Variants in PCBP4 observed in about 807,000 individuals in gnomAD.
PCBP4 encodes the protein poly(rC) binding protein 4.
In PCBP4, 24 loss-of-function variants were observed where a neutral mutation model predicts 46.2. That is an observed-to-expected ratio of 0.52 (90% CI 0.38 to 0.73). The LOEUF (loss-of-function observed/expected upper bound fraction) is 0.73, where lower values mean the gene tolerates loss of function less well. PCBP4 is among the 30% of genes least tolerant of loss of function. PCBP4 has a pLI of 0.00. For synonymous variants in PCBP4, 203 were observed against 224.4 expected, an observed-to-expected ratio of 0.90 and a Z score of 0.85; for missense variants, 407 against 537.0, an observed-to-expected ratio of 0.76 and a Z score of 2.39.
chr3:51,960,348 A>G lies in PCBP4; in HGVS notation c.256-28T>C. ...GGGACAGGGAGACGGTGGGTTGGCC[A>G]TGCTCGTCCCTGCTATATCTGCCCA... On this transcript the variant is annotated intron_variant, in intron 6 of 13. Coordinates refer to ENST00000461554, the MANE Select transcript of PCBP4 (RefSeq NM_001174100.2). The surrounding 1 kb of genome is among the most constrained non-coding windows in gnomAD (Gnocchi z 5.0). 2 of 1,608,386 alleles carry G rather than the reference A, an allele frequency of 1.2e-6. No homozygotes were observed. Among genetic ancestry groups the G allele is most frequent in the East Asian group, 2.2e-5 (1 of 44,812 alleles).
At chr3:51,964,413 C>T (rs1199213413) in intron 1 of PCBP4, among the ~76,000 whole-genome samples, 2 of 152,234 alleles carry the variant, frequency 1.3e-5, no homozygotes. Context: ...TTCAAGTAGA[C>T]TGGCCCGCCC....
Position 51,958,860 on chromosome 3 carries a change from C to G in PCBP4, c.853G>C (p.Gly285Arg). ...CCAGTGATGGTGACATGCCGCTCCC[C>G]AGCGCCCTCTGCTTGGTTCCCGATC... ...IKIGNQAEGA[G>R]ERHVTITGSP... is the part of the protein sequence containing the mutation. The change falls in exon 13 of 14, where the codon GGG (glycine) becomes CGG (arginine). Residue 285 changes from glycine (G) to arginine (R), a missense_variant. Transcript: ENST00000461554. The surrounding 1 kb of genome is among the most constrained non-coding windows in gnomAD (Gnocchi z 5.4). The G allele has an allele frequency of 1.2e-6, 2 of 1,614,004 alleles. No homozygotes were observed. The highest frequency in any genetic ancestry group is 1.7e-6 in the Non-Finnish European group (2 of 1,179,960).
rs201960127 is a variant in PCBP4, at chr3:51,958,149, G to A, written c.1124C>T (p.Pro375Leu). 503 of 1,612,564 alleles carry A rather than the reference G, an allele frequency of 3.1e-4. 4 individuals carry two copies. In the South Asian group the frequency reaches 3.7e-3, roughly 12 times the overall value. ...AGTGTAGGCCGCCAAGCCCGGCGGCGGCCCTGGGGAAGCAGGTGGTAAAGC... is the reference window on the plus strand; with the variant it reads ...AGTGTAGGCCGCCAAGCCCGGCGGCAGCCCTGGGGAAGCAGGTGGTAAAGC... ...FLALPPASPG[P>L]PPGLAAYTAK... Residue 375 changes from proline (P) to leucine (L), a missense_variant, in exon 14 of 14, where the codon CCG becomes CTG. Physicochemically the swap from Pro to Leu is moderately conservative, Grantham distance 98 (BLOSUM62 -3). Transcript: ENST00000461554. The surrounding 1 kb of genome is among the most constrained non-coding windows in gnomAD (Gnocchi z 5.4).
In PCBP4 at chr3:51,959,434, A is replaced by G. The variant is rs753906223; in HGVS notation, c.592-23T>C. On this transcript the variant is annotated intron_variant, in intron 9 of 13. Coordinates refer to ENST00000461554, the MANE Select transcript of PCBP4 (RefSeq NM_001174100.2). The surrounding 1 kb of genome is among the most constrained non-coding windows in gnomAD (Gnocchi z 5.6). ...GCCCTGTGGGGACAAAGTGGATGAA[A>G]AGGGGGTTACTGTGACATTGCAGTT... is the stretch of plus-strand genomic sequence containing the variant. 1.9e-6 allele frequency: 3 copies of G among 1,594,206 alleles called. No individual in the cohort carries two copies. The highest frequency in any genetic ancestry group is 1.7e-4 in the Middle Eastern group (1 of 5,998).
chr3:51,964,321 A>G (rs965038830), intron 1 of PCBP4, among the ~76,000 whole-genome samples: 2 of 152,206 alleles, frequency 1.3e-5, no homozygotes, highest in African/African-American at 2.4e-5. Context: ...CTCACCCCAC[A>G]TGCAGGGATC....
At chr3:51,966,518 T>C (rs1329419988) in intron 1 of PCBP4, among the ~76,000 whole-genome samples, 1 of 151,900 alleles carries the variant, frequency 6.6e-6, no homozygotes, top group African/African-American at 2.4e-5. Context: ...GTTCATGGAT[T>C]GTAAGAGCCT....
In PCBP4 at chr3:51,959,912, A is replaced by C. The variant is rs1700061738; in HGVS notation, c.499T>G (p.Cys167Gly). The change falls in exon 8 of 14, where the codon TGC (cysteine) becomes GGC (glycine). Residue 167 changes from cysteine (C) to glycine (G), a missense_variant. Transcript: ENST00000461554. The surrounding 1 kb of genome is among the most constrained non-coding windows in gnomAD (Gnocchi z 5.6). ...DAIILCVRQICAVILESPPKG... is the reference protein window; with the variant it reads ...DAIILCVRQIGAVILESPPKG... ...GGCAGCACCTCCAGGATAACAGCGC[A>C]GATCTGGCGCACACACAGGATGATG... 1 of 1,597,256 alleles carries C rather than the reference A, an allele frequency of 6.3e-7. No homozygotes were observed. Among genetic ancestry groups the C allele is most frequent in the African/African-American group, 1.3e-5 (1 of 74,560 alleles).
chr3:51,960,827 T>G lies in PCBP4; in HGVS notation c.138+39A>C, dbSNP rs962590240. ...GTGGGGCAGGGATCTCCCCTCCACATCAGGTGCCCTGGGCTCCTCCCCCAA... is the reference window on the plus strand; with the variant it reads ...GTGGGGCAGGGATCTCCCCTCCACAGCAGGTGCCCTGGGCTCCTCCCCCAA... On this transcript the variant is annotated intron_variant, in intron 5 of 13. Coordinates refer to ENST00000461554, the MANE Select transcript of PCBP4 (RefSeq NM_001174100.2). This position sits in a 1 kb window ranked among gnomAD's most constrained non-coding sequence, Gnocchi z 5.0. 2 of 1,606,202 alleles carry G rather than the reference T, an allele frequency of 1.2e-6. No individual in the cohort carries two copies. Among genetic ancestry groups the G allele is most frequent in the African/African-American group, 1.3e-5 (1 of 74,594 alleles).
intron 1 of PCBP4, chr3:51,962,819 G>A (rs1700244202): frequency 1.3e-5 from 2 of 152,242 alleles, no homozygotes; most frequent in South Asian, 2.1e-4. Flanking sequence ...CCTATCCAAC[G>A]GAGGTGACAC....
At position 51,959,094 on chromosome 3, in the gene PCBP4, C is replaced by G. The variant is rs202173416; in HGVS notation, c.706G>C (p.Asp236His). 3.1e-6 allele frequency: 5 copies of G among 1,613,864 alleles called. No individual in the cohort carries two copies. Among genetic ancestry groups the G allele is most frequent in the Non-Finnish European group, 4.2e-6 (5 of 1,179,950 alleles). Reference protein sequence around the residue: ...FATPSVVPGLDPGTQTSSQEF... With the variant: ...FATPSVVPGLHPGTQTSSQEF... ...TGTGAGCTGGTCTGTGTGCCGGGAT[C>G]CAGTCCTGAGGGGGAGAAGAGGGAC... The change falls in exon 12 of 14, where the codon GAT becomes CAT. Residue 236 changes from aspartate to histidine, a missense_variant. Physicochemically the swap from Asp to His is moderately conservative, Grantham distance 81. Transcript: ENST00000461554. The surrounding 1 kb of genome is among the most constrained non-coding windows in gnomAD (Gnocchi z 5.6).
rs765200815 is a variant in PCBP4 at position 51,958,319 on chromosome 3, C to A, written c.954G>T (p.Gly318=). 3 of 1,524,448 alleles carry A rather than the reference C, an allele frequency of 2.0e-6. No individual in the cohort carries two copies. The South Asian group carries it at 3.9e-5, about 20-fold the overall frequency. The allele number at this position is 1,524,448 out of a possible 1,614,324, so 94.4% of individuals were successfully genotyped here. The change falls in exon 14 of 14, where the codon GGG becomes GGT. Residue 318 remains glycine (G), a synonymous_variant. Transcript: ENST00000461554. This position sits in a 1 kb window ranked among gnomAD's most constrained non-coding sequence, Gnocchi z 5.4. ...GGTCTGCGGGGGCCGAGCTGGGCGT[C>A]CCCCCAGAGGTAGACTTGGCCGTCT... The part of the protein sequence containing the change: ...CLETAKSTSG[G]TPSSAPADLP...
Position 51,959,159 on chromosome 3 carries a change from C to T in PCBP4, c.701-60G>A. The T allele has an allele frequency of 1.9e-6, 3 of 1,613,306 alleles. No homozygotes were observed. The highest frequency in any genetic ancestry group is 2.5e-6 in the Non-Finnish European group (3 of 1,179,382). ...GGCCTTTCCCGCCCCACCATTTCCA[C>T]TCTCCCTGGAAGGGAGGGGGCTGCC... is the stretch of plus-strand genomic sequence containing the variant. On this transcript the variant is annotated intron_variant, in intron 11 of 13. Coordinates refer to ENST00000461554, the MANE Select transcript of PCBP4 (RefSeq NM_001174100.2). This position sits in a 1 kb window ranked among gnomAD's most constrained non-coding sequence, Gnocchi z 5.6.
intron 1 of PCBP4, among the ~76,000 whole-genome samples, chr3:51,962,504 T>C (rs1332167552): frequency 6.6e-6 from 1 of 152,162 alleles, no homozygotes; most frequent in Non-Finnish European, 1.5e-5. Context: ...TGGGACCAAC[T>C]GGTGCTAAGT....
At chr3:51,961,887 G>T in intron 2 of PCBP4, 54 bp downstream of exon 2, 2 of 272,886 alleles carry the variant, frequency 7.3e-6, no homozygotes, top group Non-Finnish European at 1.1e-5. Flanking sequence ...GCCACTGCCT[G>T]GTAAAGGCTT....
At chr3:51,961,853 A>G (rs1700195298) in intron 2 of PCBP4, 88 bp downstream of exon 2, 1 of 670,390 alleles carries the variant, frequency 1.5e-6, no homozygotes. Context: ...GAAGGCAGGG[A>G]GGCCTCGGGT....
In PCBP4 at chr3:51,958,844, G is replaced by C. The variant is rs766572926; in HGVS notation, c.869C>G (p.Thr290Ser). 6.2e-7 allele frequency: 1 copy of C among 1,613,936 alleles called. No homozygotes were observed. Among genetic ancestry groups the C allele is most frequent in the South Asian group, 1.1e-5 (1 of 91,074 alleles). Reference sequence around the variant, plus strand: ...GATGGAGACCGGAGAGCCAGTGATGGTGACATGCCGCTCCCCAGCGCCCTC... The same window carrying C: ...GATGGAGACCGGAGAGCCAGTGATGCTGACATGCCGCTCCCCAGCGCCCTC... ...QAEGAGERHV[T>S]ITGSPVSIAL... The change falls in exon 13 of 14, where the codon ACC becomes AGC. Residue 290 changes from threonine to serine, a missense_variant. Transcript: ENST00000461554. This position sits in a 1 kb window ranked among gnomAD's most constrained non-coding sequence, Gnocchi z 5.4.
At chr3:51,967,078 A>C (rs1023888522) in intron 1 of PCBP4, among the ~76,000 whole-genome samples, 1 of 152,100 alleles carries the variant, frequency 6.6e-6, no homozygotes, top group Admixed American at 6.5e-5. Flanking sequence ...GGACAGAAAC[A>C]GCGAGTGGGA....
rs781514662 is a variant in PCBP4 at position 51,959,994 on chromosome 3, C to T, written c.417G>A (p.Gly139=). The T allele has an allele frequency of 6.2e-7, 1 of 1,614,204 alleles. No individual in the cohort carries two copies. The highest frequency in any genetic ancestry group is 8.5e-7 in the Non-Finnish European group (1 of 1,180,026). ...ETTGAQVQVA[G]DLLPNSTERA... is the part of the protein sequence containing the mutation. Reference sequence around the variant, plus strand: ...GCTCTGTGGAGTTGGGGAGCAGGTCCCCTGCCACCTGTACCTGGGCACCCG... The same window carrying T: ...GCTCTGTGGAGTTGGGGAGCAGGTCTCCTGCCACCTGTACCTGGGCACCCG... The change falls in exon 8 of 14, where the codon GGG becomes GGA. Residue 139 remains glycine, a synonymous_variant. Transcript: ENST00000461554. The surrounding 1 kb of genome is among the most constrained non-coding windows in gnomAD (Gnocchi z 5.6).
At chr3:51,965,929 TG>T in intron 1 of PCBP4, among the ~76,000 whole-genome samples, 1 of 148,332 alleles carries the variant, frequency 6.7e-6, no homozygotes, top group African/African-American at 2.5e-5. Flanking sequence ...GGCTGGGGGG[TG>T]GGGTACGTTT....
Sources: gnomAD v4.1 joint callset for allele counts (sites outside exome capture counted in the v4.1 genomes callset) on GRCh38, gnomAD v4.1.1 for gene constraint, Gnocchi (gnomAD v3.1) non-coding constraint, MANE v1.5 for transcripts, NCBI Gene and HGNC (gene_info 2026-07-23, HGNC 2026-07-21) for gene names.